The following CDH7 variants were observed in gnomAD, a reference collection of about 807,000 sequenced individuals.
CDH7 encodes cadherin 7, also known as cadherin-7.
CDH7 carries 25 observed loss-of-function variants against 71.8 expected under a neutral mutation model. That is an observed-to-expected ratio of 0.35 (90% CI 0.25 to 0.49). The LOEUF is 0.49. Among genes scored for constraint, CDH7 ranks in the 20% least tolerant of loss-of-function variants. CDH7 has a pLI of 0.99. For synonymous variants in CDH7, 381 were observed against 363.8 expected (o/e 1.05, Z -0.54); for missense variants, 862 against 974.6 (o/e 0.88, Z 1.54).
At chr18:65,757,875 A>T (rs1916077697) in intron 1 of CDH7, among the ~76,000 whole-genome samples, 2 of 151,882 alleles carry the variant, frequency 1.3e-5, no homozygotes, top group African/African-American at 2.4e-5. Flanking sequence ...CAGAGTACTC[A>T]TTTTTTTCTG....
At chr18:65,811,281 T>C (rs1021261732) in intron 3 of CDH7, among the ~76,000 whole-genome samples, 2 of 152,098 alleles carry the variant, frequency 1.3e-5, no homozygotes, top group Non-Finnish European at 1.5e-5. Context: ...GTATCATGTG[T>C]GCTCTTAAGG....
intron 5 of CDH7, 99 bp downstream of exon 5, chr18:65,822,347 A>G (rs1911966541): frequency 1.1e-6 from 1 of 889,052 alleles, no homozygotes; most frequent in East Asian, 2.6e-5. Flanking sequence ...TTCTAAAGCA[A>G]ATAATTGTCT....
At chr18:65,781,864 TTCTCTCTCTCTCTCTGTCTC>T (rs1910242692) in intron 2 of CDH7, among the ~76,000 whole-genome samples, 1 of 54,614 alleles carries the variant, frequency 1.8e-5, no homozygotes, top group African/African-American at 1.5e-4. Context: ...CTTTCTTTCT[TTCTCTCTCTCTCTCTGTCTC>T]TCTCTCTCTT....
At chr18:65,861,295 G>A (rs1406217626) in intron 10 of CDH7, among the ~76,000 whole-genome samples, 1 of 150,286 alleles carries the variant, frequency 6.7e-6, no homozygotes, top group African/African-American at 2.5e-5. Context: ...TCACTTTTTG[G>A]GCATTTCAGC....
rs1170163604 is a variant in CDH7 at position 65,881,874 on chromosome 18, C to T, written c.*980C>T. The T allele has an allele frequency of 6.6e-6, 1 of 152,084 alleles. No individual in the cohort carries two copies. The highest frequency in any genetic ancestry group is 1.5e-5 in the Non-Finnish European group (1 of 68,024). 9.4% of individuals were successfully genotyped at this position (152,084 alleles called of 1,614,324 possible). ...TTGAGCCCTGTTGCAGGTCACATCT[C>T]AAAGAGGAGCACAGCTACAAGGACA... On this transcript the variant is annotated 3_prime_UTR_variant, in exon 12 of 12. Coordinates refer to ENST00000397968, the MANE Select transcript of CDH7 (RefSeq NM_004361.5).
chr18:65,822,355 TCTTA>T, intron 5 of CDH7, 107 bp downstream of exon 5: 1 of 814,192 alleles, frequency 1.2e-6, no homozygotes, highest in Non-Finnish European at 1.9e-6. Flanking sequence ...CAAATAATTG[TCTTA>T]CTTCATTCTC....
At chr18:65,782,288 T>C (rs1473549414) in intron 2 of CDH7, among the ~76,000 whole-genome samples, 4 of 151,634 alleles carry the variant, frequency 2.6e-5, no homozygotes, top group African/African-American at 9.7e-5. Flanking sequence ...CACTTCAGCC[T>C]CCTGAATAGC....
chr18:65,779,550 G>A (rs1207405071), intron 2 of CDH7, among the ~76,000 whole-genome samples: 3 of 50,260 alleles, frequency 6.0e-5, no homozygotes, highest in Non-Finnish European at 1.1e-4. Flanking sequence ...GAGAATATGC[G>A]GTGTTTGGTT....
At chr18:65,789,622 A>G (rs1008897428) in intron 2 of CDH7, among the ~76,000 whole-genome samples, 2 of 152,150 alleles carry the variant, frequency 1.3e-5, no homozygotes, top group African/African-American at 4.8e-5. Context: ...GTGAGAGTTT[A>G]TTCCAGGCAG....
At chr18:65,758,380 T>G (rs1361706608) in intron 1 of CDH7, among the ~76,000 whole-genome samples, 1 of 152,196 alleles carries the variant, frequency 6.6e-6, no homozygotes, top group African/African-American at 2.4e-5. Context: ...TAAGGAAAGG[T>G]GGCACCTGAC....
chr18:65,825,161 C>T (rs532529436), intron 6 of CDH7, among the ~76,000 whole-genome samples: 1 of 151,784 alleles, frequency 6.6e-6, no homozygotes, highest in Non-Finnish European at 1.5e-5. Flanking sequence ...TAATGAAACC[C>T]TAAATTCAAC....
intron 11 of CDH7, among the ~76,000 whole-genome samples, chr18:65,874,304 C>A (rs1042418917): frequency 6.6e-6 from 1 of 152,084 alleles, no homozygotes; most frequent in Non-Finnish European, 1.5e-5. Flanking sequence ...TAGGAAAAAA[C>A]CTAGTGGGAT....
chr18:65,799,516 A>G (rs1045737121), intron 2 of CDH7, among the ~76,000 whole-genome samples: 1 of 152,102 alleles, frequency 6.6e-6, no homozygotes, highest in Non-Finnish European at 1.5e-5. Context: ...TCTCTACTAA[A>G]AACACAAAAA....
intron 11 of CDH7, among the ~76,000 whole-genome samples, chr18:65,872,252 T>A (rs1474630601): frequency 6.6e-6 from 1 of 152,082 alleles, no homozygotes; most frequent in Non-Finnish European, 1.5e-5. Flanking sequence ...TTTGGCAAAA[T>A]GTGAGTCATT....
chr18:65,838,034 C>T (rs541150615), intron 6 of CDH7, among the ~76,000 whole-genome samples: 1 of 150,050 alleles, frequency 6.7e-6, no homozygotes, highest in African/African-American at 2.5e-5. Context: ...AAGCAATTCT[C>T]CTGCCTCAGC....
At chr18:65,839,659 G>A (rs1206186008) in intron 6 of CDH7, among the ~76,000 whole-genome samples, 1 of 152,152 alleles carries the variant, frequency 6.6e-6, no homozygotes, top group Admixed American at 6.5e-5. Context: ...TTATTACATG[G>A]GTAAGGCGTT....
At chr18:65,838,875 A>C (rs1349966238) in intron 6 of CDH7, among the ~76,000 whole-genome samples, 8 of 152,246 alleles carry the variant, frequency 5.3e-5, no homozygotes, top group African/African-American at 1.9e-4. Context: ...CAGAACAAAG[A>C]TGAGAAACAC....
intron 4 of CDH7, among the ~76,000 whole-genome samples, chr18:65,816,113 T>C (rs1342886391): frequency 6.6e-6 from 1 of 152,144 alleles, no homozygotes; most frequent in Admixed American, 6.6e-5. Flanking sequence ...TAGGATTAGA[T>C]TATTAATACT....
chr18:65,883,064 G>T lies in CDH7; in HGVS notation c.*2170G>T, dbSNP rs1375588349. On this transcript the variant is annotated 3_prime_UTR_variant, in exon 12 of 12. Transcript: ENST00000397968. ...CCTGCTTTTTCTGCTTTTAAAATGT[G>T]TGTTTTTTCTCATTAATTTTTTCAA... is the stretch of plus-strand genomic sequence containing the variant. 4 of 152,080 alleles carry T rather than the reference G, an allele frequency of 2.6e-5. No homozygotes were observed. The highest frequency in any genetic ancestry group is 9.6e-5 in the African/African-American group (4 of 41,510). The allele number at this position is 152,080 out of a possible 1,614,324, so 9.4% of individuals were successfully genotyped here. A position where few individuals can be genotyped will look rare whatever the true frequency, so the allele number is the denominator to read the frequency against.
Sources: gnomAD v4.1 joint callset for allele counts (sites outside exome capture counted in the v4.1 genomes callset) on GRCh38, gnomAD v4.1.1 for gene constraint, MANE v1.5 for transcripts, NCBI Gene and HGNC (gene_info 2026-07-23, HGNC 2026-07-21) for gene names.